NEBL: variants seen among roughly 807,000 people sequenced by gnomAD.
NEBL encodes LIM and SH3 protein 2.
A neutral mutation model predicts 140.2 loss-of-function variants in NEBL; 122 were observed. The observed-to-expected ratio is 0.87, with a 90% CI of 0.75 to 1.01. The LOEUF (loss-of-function observed/expected upper bound fraction) is 1.01, where lower values mean the gene tolerates loss of function less well. NEBL is among the 50% of genes least tolerant of loss of function. The pLI, the probability that NEBL is intolerant of heterozygous loss-of-function variation, is 0.00. For synonymous variants in NEBL, 436 were observed against 398.9 expected (o/e 1.09, Z -1.11); for missense variants, 1,365 against 1,231.3 (o/e 1.11, Z -1.62).
intron 2 of NEBL, among the ~76,000 whole-genome samples, chr10:21,065,926 T>C (rs1233368241): frequency 6.6e-6 from 1 of 152,232 alleles, no homozygotes; most frequent in Non-Finnish European, 1.5e-5. Flanking sequence ...GCAACCTTTC[T>C]AGTCTTACCA....
intron 4 of NEBL, among the ~76,000 whole-genome samples, chr10:20,943,108 T>C (rs1431214889): frequency 6.6e-6 from 1 of 152,368 alleles, no homozygotes; most frequent in East Asian, 1.9e-4. Flanking sequence ...CAAAGGATTA[T>C]AAATCATGCT....
upstream of NEBL, among the ~76,000 whole-genome samples, chr10:21,178,620 T>C (rs1841338894): frequency 1.3e-5 from 2 of 152,236 alleles, no homozygotes; most frequent in African/African-American, 2.4e-5. Flanking sequence ...GGGATTATTC[T>C]GCTTTGGCAT....
At chr10:20,798,604 T>A (rs1287347229) in intron 26 of NEBL, among the ~76,000 whole-genome samples, 1 of 152,236 alleles carries the variant, frequency 6.6e-6, no homozygotes, top group East Asian at 1.9e-4. Context: ...CTCCTTTACA[T>A]GCATGTCACT....
At chr10:21,235,198 A>C (rs1036905233) in intron 3 of NEBL, among the ~76,000 whole-genome samples, 2 of 152,112 alleles carry the variant, frequency 1.3e-5, no homozygotes, top group Non-Finnish European at 2.9e-5. Flanking sequence ...CGGGAAGCTG[A>C]AGCGGGAGGA....
chr10:20,937,352 T>A (rs1834545508), intron 4 of NEBL, among the ~76,000 whole-genome samples: 1 of 152,084 alleles, frequency 6.6e-6, no homozygotes, highest in South Asian at 2.1e-4. Flanking sequence ...AAAATAAGCA[T>A]CAGATATTAT....
intron 3 of NEBL, among the ~76,000 whole-genome samples, chr10:21,230,714 C>G (rs111687485): frequency 1.3e-5 from 2 of 151,618 alleles, no homozygotes; most frequent in African/African-American, 4.8e-5. Flanking sequence ...AAGCGTTTCT[C>G]CTGCCTCAGC....
rs58042668 is a variant in NEBL at position 21,218,855 on chromosome 10, A to T, written n.348+29066T>A. Among the ~76,000 whole-genome samples, 1,229 of 152,328 alleles carry T rather than the reference A, an allele frequency of 8.1e-3. 13 individuals are homozygous for T. The highest frequency in any genetic ancestry group is 0.033 in the South Asian group (160 of 4,828). On this transcript the variant is annotated intron_variant and non_coding_transcript_variant, in intron 3 of 8. Transcript: ENST00000675702. ...GAACTATATGGAGAAAGCTAACGGG[A>T]GATAAGGGTTATTTTCGTAAAATCT... is the stretch of plus-strand genomic sequence containing the variant.
chr10:21,267,491 T>G (rs12241849), intron 1 of NEBL, among the ~76,000 whole-genome samples: 7,540 of 152,290 alleles, frequency 0.05, 651 homozygotes, highest in African/African-American at 0.17. Flanking sequence ...ACCCTCGTTG[T>G]GGAGACATGG....
Position 21,120,411 on chromosome 10 carries a change from T to C in NEBL, c.164+51972A>G, listed in dbSNP as rs1288434008. 4.7e-5 allele frequency among the ~76,000 whole-genome samples: 6 copies of C among 126,628 alleles called. 1 individual carries two copies. Among genetic ancestry groups the C allele is most frequent in the African/African-American group, 1.0e-4 (3 of 29,808 alleles). The allele number at this position is 126,628 out of a possible 152,430, so 83.1% of individuals were successfully genotyped here. On this transcript the variant is annotated intron_variant, in intron 2 of 6. Coordinates refer to the NEBL transcript ENST00000417816. ...AAAAATACATATATATATATATATA[T>C]ATATATATATATAAATTTGATCACT...
intron 3 of NEBL, among the ~76,000 whole-genome samples, chr10:21,202,169 GT>G (rs972340802): frequency 1.3e-5 from 2 of 152,032 alleles, no homozygotes; most frequent in African/African-American, 4.8e-5. Flanking sequence ...GTTAGGTGGG[GT>G]TTTTTTAATG....
intron 3 of NEBL, chr10:20,961,797 A>C: frequency 6.3e-7 from 1 of 1,580,324 alleles, no homozygotes; most frequent in East Asian, 2.2e-5. Context: ...GAAGGGGGAA[A>C]AGAAAAGTGA....
chr10:21,032,288 C>A (rs987479318), intron 2 of NEBL, among the ~76,000 whole-genome samples: 2 of 152,178 alleles, frequency 1.3e-5, no homozygotes, highest in Non-Finnish European at 1.5e-5. Flanking sequence ...GCATTTTCCA[C>A]TTAATGGAGC....
intron 3 of NEBL, among the ~76,000 whole-genome samples, chr10:20,962,585 A>G (rs1836104717): frequency 6.6e-6 from 1 of 152,234 alleles, no homozygotes; most frequent in Non-Finnish European, 1.5e-5. Flanking sequence ...TTCATCTTAC[A>G]GAACCCCATC....
chr10:20,972,862 A>G (rs1411454819), intron 3 of NEBL, among the ~76,000 whole-genome samples: 1 of 152,244 alleles, frequency 6.6e-6, no homozygotes, highest in Non-Finnish European at 1.5e-5. Context: ...TAATCAAAGC[A>G]TGTAAAAGAT....
At chr10:20,960,817 A>G (rs190851293) in intron 4 of NEBL, among the ~76,000 whole-genome samples, 11 of 152,244 alleles carry the variant, frequency 7.2e-5, no homozygotes, top group Non-Finnish European at 7.4e-5. Flanking sequence ...AATTAAGGCT[A>G]CATCAGTTAT....
chr10:21,137,949 A>G (rs1589273023), intron 2 of NEBL, among the ~76,000 whole-genome samples: 1 of 145,316 alleles, frequency 6.9e-6, no homozygotes. Context: ...AAGGGAAGGG[A>G]AGGGAAGGGA....
At chr10:20,811,232 T>C (rs1237406437) in intron 24 of NEBL, among the ~76,000 whole-genome samples, 1 of 152,214 alleles carries the variant, frequency 6.6e-6, no homozygotes, top group Non-Finnish European at 1.5e-5. Context: ...ACAATCATAA[T>C]TTCAACCTCA....
At chr10:21,204,412 A>C (rs899467637) in intron 3 of NEBL, among the ~76,000 whole-genome samples, 2 of 152,224 alleles carry the variant, frequency 1.3e-5, no homozygotes, top group African/African-American at 2.4e-5. Flanking sequence ...AAGAAGAGAC[A>C]GTAGAGACCT....
chr10:20,860,661 A>G (rs1356344235), intron 7 of NEBL, among the ~76,000 whole-genome samples: 1 of 151,714 alleles, frequency 6.6e-6, no homozygotes, highest in Non-Finnish European at 1.5e-5. Context: ...CACAGGTCAA[A>G]GTAAGCTGTT....
Sources: gnomAD v4.1 joint callset for allele counts (sites outside exome capture counted in the v4.1 genomes callset) on GRCh38, gnomAD v4.1.1 for gene constraint, MANE v1.5 for transcripts, NCBI Gene and HGNC (gene_info 2026-07-23, HGNC 2026-07-21) for gene names.